The following SIPA1L1 variants were observed in gnomAD, a reference collection of about 807,000 sequenced individuals.
SIPA1L1 encodes the protein signal-induced proliferation-associated 1-like protein 1.
SIPA1L1 carries 26 observed loss-of-function variants against 162.7 expected under a neutral mutation model. The ratio of observed to expected loss-of-function variants is 0.16; its 90% CI spans 0.12 to 0.22. The LOEUF is 0.22. Ranked by LOEUF, SIPA1L1 falls within the 10% of genes least tolerant of loss-of-function variation. SIPA1L1 has a pLI of 1.00. For missense variants in SIPA1L1, 1,874 were observed against 2,241.0 expected (o/e 0.84, Z 3.31); for synonymous variants, 829 against 837.4 (o/e 0.99, Z 0.17).
chr14:71,380,089 TCTTC>T (rs2039766410), intron 2 of SIPA1L1, among the ~76,000 whole-genome samples: 2 of 152,242 alleles, frequency 1.3e-5, no homozygotes, highest in Non-Finnish European at 2.9e-5. Flanking sequence ...ACTGCTAGTT[TCTTC>T]ACCCAGAAAT....
At chr14:71,367,338 G>A (rs1241236837) in intron 2 of SIPA1L1, among the ~76,000 whole-genome samples, 2 of 136,876 alleles carry the variant, frequency 1.5e-5, no homozygotes, top group East Asian at 2.1e-4. Context: ...ATGGAGTCTC[G>A]CTGTGTCTCC....
chr14:71,405,731 T>C (rs569712140), intron 2 of SIPA1L1, among the ~76,000 whole-genome samples: 20 of 152,324 alleles, frequency 1.3e-4, no homozygotes, highest in African/African-American at 4.3e-4. Flanking sequence ...CAAAAAATAC[T>C]GATACTTTGG....
At chr14:71,422,726 C>A (rs1315226374) in intron 2 of SIPA1L1, among the ~76,000 whole-genome samples, 1 of 152,164 alleles carries the variant, frequency 6.6e-6, no homozygotes, top group East Asian at 1.9e-4. Context: ...TCCATTCATC[C>A]ATCGATGGAC....
At position 71,589,399 on chromosome 14, in the gene SIPA1L1, T is replaced by C; in HGVS notation, c.1498+29T>C. The stretch of plus-strand genomic sequence containing the variant: ...AGTAGAGATCCTTTATTTCTTACAT[T>C]TTCTTTTGCAGTACTTTCTGAAGAA... On this transcript the variant is annotated intron_variant, in intron 5 of 23. Transcript: ENST00000381232. The C allele has an allele frequency of 2.1e-6, 3 of 1,462,000 alleles. No individual in the cohort carries two copies. The South Asian group carries it at 3.6e-5, about 18-fold the overall frequency. 90.6% of individuals were successfully genotyped at this position (1,462,000 alleles called of 1,614,324 possible).
chr14:71,685,726 T>A lies in SIPA1L1; in HGVS notation c.3374+95T>A, dbSNP rs912165753. The A allele has an allele frequency of 2.1e-6, 3 of 1,461,670 alleles. No individual in the cohort carries two copies. The African/African-American group carries it at 4.3e-5, about 21-fold the overall frequency. 90.5% of individuals were successfully genotyped at this position (1,461,670 alleles called of 1,614,324 possible). ...ACTAGTTTTAGGCCTTCTCATATTTTACTAGAAACAAAGAATTAAACTGAG... is the reference window on the plus strand; with the variant it reads ...ACTAGTTTTAGGCCTTCTCATATTTAACTAGAAACAAAGAATTAAACTGAG... On this transcript the variant is annotated intron_variant, in intron 13 of 23. Transcript: ENST00000381232.
At chr14:71,607,885 C>T (rs1363540341) in intron 5 of SIPA1L1, among the ~76,000 whole-genome samples, 2 of 152,140 alleles carry the variant, frequency 1.3e-5, no homozygotes, top group Non-Finnish European at 2.9e-5. Flanking sequence ...TTGGCATTCT[C>T]GAAACAAAGG....
chr14:71,452,927 A>G (rs1210438683), intron 2 of SIPA1L1, among the ~76,000 whole-genome samples: 1 of 152,190 alleles, frequency 6.6e-6, no homozygotes, highest in Non-Finnish European at 1.5e-5. Flanking sequence ...TGTTCAGGAT[A>G]TACTGTACAC....
intron 2 of SIPA1L1, among the ~76,000 whole-genome samples, chr14:71,494,219 A>G (rs2049528426): frequency 6.6e-6 from 1 of 152,216 alleles, no homozygotes; most frequent in African/African-American, 2.4e-5. Flanking sequence ...TTAGAGGGAA[A>G]GCTTTCAGTC....
intron 4 of SIPA1L1, among the ~76,000 whole-genome samples, chr14:71,550,035 A>AATCACTTG (rs2055650171): frequency 6.6e-6 from 1 of 152,224 alleles, no homozygotes; most frequent in South Asian, 2.1e-4. Context: ...GAGGTAGGAG[A>AATCACTTG]ATCACTTGAA....
chr14:71,405,184 A>G lies in SIPA1L1; in HGVS notation c.-465+84003A>G, dbSNP rs554972552. On this transcript the variant is annotated intron_variant, in intron 2 of 23. Coordinates refer to ENST00000381232, the MANE Select transcript of SIPA1L1 (RefSeq NM_001386936.1). ...TAATAACAAGTGAGGATAGCTGCTT[A>G]AGTAGATAGATTGACCAGGAAAGGT... Among the ~76,000 whole-genome samples, 8 of 152,348 alleles carry G rather than the reference A, an allele frequency of 5.3e-5. No individual in the cohort carries two copies. The South Asian group carries it at 1.4e-3, about 28-fold the overall frequency.
chr14:71,488,306 AATATAT>A (rs752417106), intron 2 of SIPA1L1, among the ~76,000 whole-genome samples: 1 of 151,884 alleles, frequency 6.6e-6, no homozygotes, highest in South Asian at 2.1e-4. Flanking sequence ...TTTGGCTTAA[AATATAT>A]ATATATAATT....
intron 2 of SIPA1L1, among the ~76,000 whole-genome samples, chr14:71,489,330 A>G (rs1436184509): frequency 6.6e-6 from 1 of 152,190 alleles, no homozygotes; most frequent in Non-Finnish European, 1.5e-5. Context: ...CTTGGGACCC[A>G]GTCTGTGTGC....
At chr14:71,634,703 T>G (rs2332642) in intron 7 of SIPA1L1, among the ~76,000 whole-genome samples, 151,475 of 152,162 alleles carry the variant, frequency 1, 75,397 homozygotes, top group East Asian at 1. Context: ...TTGGGAGGCT[T>G]AGGAGGGTGG....
chr14:71,336,636 C>T (rs2035122392), intron 2 of SIPA1L1, among the ~76,000 whole-genome samples: 1 of 152,188 alleles, frequency 6.6e-6, no homozygotes, highest in Non-Finnish European at 1.5e-5. Context: ...AATAGCAAAA[C>T]GACCAGTTAC....
At chr14:71,451,064 T>A (rs549318784) in intron 2 of SIPA1L1, among the ~76,000 whole-genome samples, 1 of 152,178 alleles carries the variant, frequency 6.6e-6, no homozygotes, top group East Asian at 1.9e-4. Flanking sequence ...TGGAATACTG[T>A]ATAGCCGTAA....
chr14:71,398,392 CTTTGGG>C (rs2141483174), intron 2 of SIPA1L1: 1 of 152,254 alleles, frequency 6.6e-6, no homozygotes, highest in Non-Finnish European at 1.5e-5. Context: ...AATGTTGATA[CTTTGGG>C]TTTGAGTGAA....
At chr14:71,321,712 G>C (rs1312752509) in intron 2 of SIPA1L1, 1 of 152,356 alleles carries the variant, frequency 6.6e-6, no homozygotes, top group Admixed American at 6.5e-5. Context: ...AAAGGGCTGG[G>C]AAGGCGTGAG....
chr14:71,621,437 A>G (rs2039436078), intron 6 of SIPA1L1, among the ~76,000 whole-genome samples: 1 of 152,038 alleles, frequency 6.6e-6, no homozygotes, highest in East Asian at 1.9e-4. Context: ...GGGCCACCTC[A>G]GGACACCTCT....
At chr14:71,726,728 C>T (rs2084277117) in intron 19 of SIPA1L1, among the ~76,000 whole-genome samples, 1 of 152,192 alleles carries the variant, frequency 6.6e-6, no homozygotes. Context: ...TGGGAATAGG[C>T]CCAGGTTTTC....
Sources: allele counts gnomAD v4.1 joint callset (sites outside exome capture counted in the v4.1 genomes callset), GRCh38; gene constraint gnomAD v4.1.1; transcripts MANE v1.5; gene names NCBI Gene and HGNC (gene_info 2026-07-23, HGNC 2026-07-21).